Variants in SDK1 observed in about 807,000 individuals in gnomAD.
The protein encoded by SDK1 is protein sidekick-1.
SDK1 carries 157 observed loss-of-function variants against 245.5 expected under a neutral mutation model. The observed-to-expected ratio is 0.64, with a 90% CI of 0.56 to 0.73. The LOEUF (loss-of-function observed/expected upper bound fraction) is 0.73, where lower values mean the gene tolerates loss of function less well. Ranked by LOEUF, SDK1 falls within the 30% of genes least tolerant of loss-of-function variation. SDK1 has a pLI of 0.00. For synonymous variants in SDK1, 1,647 were observed against 1,278.5 expected (o/e 1.29, Z -6.15); for missense variants, 3,583 against 3,002.3 (o/e 1.19, Z -4.52).
At chr7:3,838,519 C>T (rs748079725) in intron 5 of SDK1, among the ~76,000 whole-genome samples, 2 of 152,224 alleles carry the variant, frequency 1.3e-5, no homozygotes, top group Non-Finnish European at 2.9e-5. Flanking sequence ...CCTCTCTGTT[C>T]ACAGACTTGC....
intron 14 of SDK1, among the ~76,000 whole-genome samples, chr7:3,999,335 G>T (rs1041777834): frequency 6.6e-6 from 1 of 152,218 alleles, no homozygotes. Flanking sequence ...ACCAGGAAGA[G>T]CGTGAGGTCC....
intron 14 of SDK1, among the ~76,000 whole-genome samples, chr7:4,000,614 A>G (rs1785004311): frequency 6.6e-6 from 1 of 152,310 alleles, no homozygotes; most frequent in African/African-American, 2.4e-5. Flanking sequence ...TCACCGCACA[A>G]TCTGTTCAAC....
intron 28 of SDK1, among the ~76,000 whole-genome samples, chr7:4,139,709 G>GTGTGTGTGTGTA (rs1175034598): frequency 8.7e-4 from 32 of 36,620 alleles, no homozygotes; most frequent in African/African-American, 2.2e-3. Context: ...GTGTGTATGT[G>GTGTGTGTGTGTA]TGTGTGTGTG....
intron 5 of SDK1, among the ~76,000 whole-genome samples, chr7:3,854,848 G>A (rs549573791): frequency 2.0e-5 from 3 of 152,260 alleles, no homozygotes; most frequent in South Asian, 2.1e-4. Context: ...ATGAGGAATC[G>A]CTATAGAGAA....
At chr7:3,842,264 AC>A (rs1480261557) in intron 5 of SDK1, among the ~76,000 whole-genome samples, 3 of 152,124 alleles carry the variant, frequency 2.0e-5, no homozygotes, top group Non-Finnish European at 4.4e-5. Flanking sequence ...CTCTCCCCAG[AC>A]CTTAAGCTCT....
intron 1 of SDK1, among the ~76,000 whole-genome samples, chr7:3,507,736 A>C (rs927335667): frequency 1.3e-5 from 2 of 152,150 alleles, no homozygotes; most frequent in South Asian, 4.1e-4. Context: ...TGCATGGTCA[A>C]ATTTTTCCTT....
chr7:3,359,520 A>G (rs954880523), intron 1 of SDK1, among the ~76,000 whole-genome samples: 5 of 151,928 alleles, frequency 3.3e-5, no homozygotes, highest in African/African-American at 7.3e-5. Context: ...TTGATTGTCT[A>G]TTTTTGCTTG....
At chr7:3,495,411 G>A (rs1333218441) in intron 1 of SDK1, among the ~76,000 whole-genome samples, 7 of 151,794 alleles carry the variant, frequency 4.6e-5, no homozygotes, top group East Asian at 1.9e-4. Context: ...CCTGTGTGAC[G>A]CCACACTGGA....
intron 5 of SDK1, among the ~76,000 whole-genome samples, chr7:3,941,203 T>G (rs1780355961): frequency 6.6e-6 from 1 of 152,124 alleles, no homozygotes; most frequent in African/African-American, 2.4e-5. Flanking sequence ...TCTGTCATAC[T>G]CACCCCCGTC....
intron 38 of SDK1, among the ~76,000 whole-genome samples, chr7:4,214,716 C>G (rs1274850548): frequency 6.6e-6 from 1 of 152,214 alleles, no homozygotes; most frequent in Non-Finnish European, 1.5e-5. Flanking sequence ...ATCAGTCAAG[C>G]AGCGGATCCA....
chr7:3,855,921 A>G (rs1780534236), intron 5 of SDK1, among the ~76,000 whole-genome samples: 1 of 152,258 alleles, frequency 6.6e-6, no homozygotes, highest in South Asian at 2.1e-4. Flanking sequence ...CAATTAATGA[A>G]TGGTGAAAGA....
chr7:3,683,335 A>G (rs1784167769), intron 4 of SDK1, among the ~76,000 whole-genome samples: 1 of 152,208 alleles, frequency 6.6e-6, no homozygotes. Flanking sequence ...TTTTATCTTT[A>G]AAAGATAATG....
intron 12 of SDK1, among the ~76,000 whole-genome samples, 175 bp from the exon 13 acceptor site, chr7:3,974,183 CAAAAAAAAAAA>C (rs10630472): frequency 9.6e-6 from 1 of 104,410 alleles, no homozygotes; most frequent in African/African-American, 3.5e-5. Flanking sequence ...GACTCTGTCT[CAAAAAAAAAAA>C]AAAAAAGAAA....
At chr7:4,187,993 G>A (rs758289519) in intron 35 of SDK1, among the ~76,000 whole-genome samples, 6 of 151,928 alleles carry the variant, frequency 3.9e-5, no homozygotes, top group Non-Finnish European at 5.9e-5. Flanking sequence ...GCAGGCAAGA[G>A]AGAATGAGAG....
intron 2 of SDK1, among the ~76,000 whole-genome samples, chr7:3,623,524 A>T (rs1281158910): frequency 6.6e-6 from 1 of 152,030 alleles, no homozygotes; most frequent in Non-Finnish European, 1.5e-5. Flanking sequence ...TACAGGTGTG[A>T]GCCGCTGCAC....
At chr7:3,475,000 T>C (rs1781309070) in intron 1 of SDK1, among the ~76,000 whole-genome samples, 1 of 152,190 alleles carries the variant, frequency 6.6e-6, no homozygotes, top group Admixed American at 6.5e-5. Context: ...CCTGACCCAT[T>C]GTATCATCCT....
At chr7:3,901,348 G>A (rs569230942) in intron 5 of SDK1, among the ~76,000 whole-genome samples, 12 of 152,132 alleles carry the variant, frequency 7.9e-5, no homozygotes, top group Admixed American at 3.3e-4. Flanking sequence ...CACCACGCCC[G>A]GTTAATTTTT....
chr7:3,619,257 A>T lies in SDK1; in HGVS notation c.458+18A>T, dbSNP rs371016404. 87 of 1,589,434 alleles carry T rather than the reference A, an allele frequency of 5.5e-5. No individual in the cohort carries two copies. The highest frequency in any genetic ancestry group is 6.9e-5 in the Non-Finnish European group (80 of 1,159,358). On this transcript the variant is annotated intron_variant, in intron 2 of 44. Coordinates refer to ENST00000404826, the MANE Select transcript of SDK1 (RefSeq NM_152744.4). ...GAATATAAGTAATTGATCGCTTGAA[A>T]AAATAAGATCCCATTTCAGTTGATG...
chr7:4,113,432 G>T lies in SDK1; in HGVS notation c.3578G>T (p.Arg1193Leu), dbSNP rs376638701. The change falls in exon 24 of 45, where the codon CGC becomes CTC. Residue 1193 changes from arginine to leucine, a missense_variant. Physicochemically the swap from Arg to Leu is moderately radical, Grantham distance 102. Transcript: ENST00000404826. ...RTASETSLRL[R>L]WVPLPDSQYN... is the part of the protein sequence containing the mutation. ...GCCAGTGAGACCAGCCTGCGGCTTC[G>T]CTGGGTGGTGAGTGGGGGTGAGAAG... 67 of 1,613,482 alleles carry T rather than the reference G, an allele frequency of 4.2e-5. No individual in the cohort carries two copies. The highest frequency in any genetic ancestry group is 3.3e-4 in the Middle Eastern group (2 of 6,084).
Sources: allele counts gnomAD v4.1 joint callset (sites outside exome capture counted in the v4.1 genomes callset), GRCh38; gene constraint gnomAD v4.1.1; transcripts MANE v1.5; gene names NCBI Gene and HGNC (gene_info 2026-07-23, HGNC 2026-07-21).